The following ANK2 variants were observed in gnomAD, a reference collection of about 807,000 sequenced individuals.
The protein encoded by ANK2 is ankyrin 2, also known as ankyrin-2.
A neutral mutation model predicts 360.5 loss-of-function variants in ANK2; 83 were observed. That is an observed-to-expected ratio of 0.23 (90% CI 0.19 to 0.28). The LOEUF is 0.28. ANK2 is among the 10% of genes least tolerant of loss of function. The pLI is 1.00. For synonymous variants in ANK2, 1,740 were observed against 1,759.5 expected, an observed-to-expected ratio of 0.99 and a Z score of 0.28; for missense variants, 4,201 against 4,795.7, an observed-to-expected ratio of 0.88 and a Z score of 3.66.
chr4:113,318,784 C>G (rs961065054), intron 26 of ANK2, among the ~76,000 whole-genome samples, 164 bp downstream of exon 26: 3 of 152,106 alleles, frequency 2.0e-5, no homozygotes, highest in African/African-American at 7.2e-5. Context: ...GACTCTATAT[C>G]TACAACAACA....
At chr4:112,950,514 T>G (rs1211079151) in intron 2 of ANK2, among the ~76,000 whole-genome samples, 1 of 151,156 alleles carries the variant, frequency 6.6e-6, no homozygotes, top group Non-Finnish European at 1.5e-5. Context: ...CATGGTGGCA[T>G]GCACCTGTAG....
rs769272083 is a variant in ANK2 at position 113,356,070 on chromosome 4, A to G, written c.7452A>G (p.Pro2484=). 7 of 1,614,132 alleles carry G rather than the reference A, an allele frequency of 4.3e-6. No homozygotes were observed. The highest frequency in any genetic ancestry group is 5.9e-6 in the Non-Finnish European group (7 of 1,180,010). Residue 2484 remains proline (P), a synonymous_variant, in exon 38 of 46, where the codon CCA becomes CCG. Coordinates refer to ENST00000357077, the MANE Select transcript of ANK2 (RefSeq NM_001148.6). ...VEPKMKAGIF[P]SHFPLPAAVA... ...CAAAGATGAAGGCTGGAATTTTTCCAAGTCACTTTCCTCTTCCTGCAGCTG... is the reference window on the plus strand; with the variant it reads ...CAAAGATGAAGGCTGGAATTTTTCCGAGTCACTTTCCTCTTCCTGCAGCTG...
intron 2 of ANK2, among the ~76,000 whole-genome samples, chr4:112,947,632 T>C (rs1391845907): frequency 6.6e-6 from 1 of 152,212 alleles, no homozygotes; most frequent in Non-Finnish European, 1.5e-5. Flanking sequence ...GCAAAGACTG[T>C]TCCTTAGGCT....
chr4:112,870,506 A>T (rs2072573931), intron 1 of ANK2, among the ~76,000 whole-genome samples: 1 of 152,170 alleles, frequency 6.6e-6, no homozygotes, highest in South Asian at 2.1e-4. Flanking sequence ...GAGGGATCCA[A>T]ATTCACTTTT....
At chr4:112,793,871 A>AT in the ANK2 span, among the ~76,000 whole-genome samples, 1,133 of 151,498 alleles carry the variant, frequency 7.5e-3, 6 homozygotes, top group Non-Finnish European at 0.012. Flanking sequence ...ACACTTGGCT[A>AT]TTTTTTTTGG....
At chr4:112,960,921 G>A (rs1198294127) in intron 2 of ANK2, among the ~76,000 whole-genome samples, 1 of 152,008 alleles carries the variant, frequency 6.6e-6, no homozygotes, top group Non-Finnish European at 1.5e-5. Flanking sequence ...TTTTCATAAG[G>A]CTTGAATCAG....
intron 32 of ANK2, 147 bp downstream of exon 32, chr4:113,339,469 C>G (rs922844311): frequency 1.0e-5 from 7 of 695,892 alleles, no homozygotes; most frequent in Non-Finnish European, 1.8e-5. Context: ...ATATTTTAAA[C>G]TAGATCTGTC....
intron 22 of ANK2, among the ~76,000 whole-genome samples, chr4:113,296,332 A>G (rs1014818376): frequency 5.9e-5 from 9 of 152,224 alleles, no homozygotes; most frequent in African/African-American, 2.2e-4. Context: ...ATAGCACAAT[A>G]GACAACTTAA....
chr4:113,340,865 AAAAC>A lies in ANK2; in HGVS notation c.3894-815_3894-812del, dbSNP rs202045330. 9.4e-3 allele frequency among the ~76,000 whole-genome samples: 1,429 copies of A among 151,990 alleles called. 24 individuals are homozygous for A. Among genetic ancestry groups the A allele is most frequent in the African/African-American group, 0.032 (1,343 of 41,390 alleles). On this transcript the variant is annotated intron_variant, in intron 32 of 45. Coordinates refer to ENST00000357077, the MANE Select transcript of ANK2 (RefSeq NM_001148.6). ...CAACGTCTCAAAAAAAAAAAAAAGAAAAACAAACAAAAAAAACAAACCCTTTGGA... is the reference window on the plus strand; with the variant it reads ...CAACGTCTCAAAAAAAAAAAAAAGAAAAACAAAAAAAACAAACCCTTTGGA...
the ANK2 span, chr4:112,798,381 G>A: frequency 4.9e-3 from 752 of 152,052 alleles, 13 homozygotes; most frequent in Non-Finnish European, 7.1e-3. Flanking sequence ...TCCGCCTCCC[G>A]GGTTCAAGCG....
intron 1 of ANK2, among the ~76,000 whole-genome samples, chr4:113,105,787 A>G (rs2154362436): frequency 6.6e-6 from 1 of 152,296 alleles, no homozygotes; most frequent in South Asian, 2.1e-4. Flanking sequence ...ACCTGATCAT[A>G]TTGTATTACT....
the ANK2 span, among the ~76,000 whole-genome samples, chr4:112,731,742 A>G: frequency 6.6e-6 from 1 of 152,180 alleles, no homozygotes; most frequent in African/African-American, 2.4e-5. Context: ...CAAAAAAAAA[A>G]AAAAGTACAT....
At chr4:113,183,891 A>C (rs1040578008) in intron 2 of ANK2, among the ~76,000 whole-genome samples, 1 of 150,944 alleles carries the variant, frequency 6.6e-6, no homozygotes, top group Non-Finnish European at 1.5e-5. Context: ...AAGGAATGGC[A>C]TCAAGAGGAT....
At chr4:112,804,669 A>G in the ANK2 span, among the ~76,000 whole-genome samples, 1 of 152,120 alleles carries the variant, frequency 6.6e-6, no homozygotes, top group Non-Finnish European at 1.5e-5. Flanking sequence ...ACCCATATAG[A>G]GGACATGGAT....
the ANK2 span, among the ~76,000 whole-genome samples, chr4:112,730,704 C>A: frequency 6.7e-6 from 1 of 148,852 alleles, no homozygotes; most frequent in African/African-American, 2.5e-5. Flanking sequence ...AGTGTTCTTA[C>A]CACACACACA....
the ANK2 span, among the ~76,000 whole-genome samples, chr4:112,717,236 T>A: frequency 0.99 from 150,831 of 152,296 alleles, 74,705 homozygotes; most frequent in East Asian, 1. Flanking sequence ...ATGTAGAAGC[T>A]GCCTGTCATT....
the ANK2 span, among the ~76,000 whole-genome samples, chr4:112,777,316 G>A: frequency 6.6e-6 from 1 of 152,000 alleles, no homozygotes; most frequent in African/African-American, 2.4e-5. Context: ...TCAGCTCACT[G>A]CAAGCTCCGC....
intron 1 of ANK2, among the ~76,000 whole-genome samples, chr4:112,844,223 A>G (rs188772637): frequency 1.3e-5 from 2 of 152,326 alleles, no homozygotes; most frequent in Non-Finnish European, 2.9e-5. Context: ...AGCTCCCGAC[A>G]ATGGTGTGAA....
the ANK2 span, chr4:112,788,396 G>C: frequency 6.3e-7 from 1 of 1,587,792 alleles, no homozygotes; most frequent in Non-Finnish European, 8.6e-7. Flanking sequence ...CAGCTCGATG[G>C]GATCCACGTC....
Sources: allele counts gnomAD v4.1 joint callset (sites outside exome capture counted in the v4.1 genomes callset), GRCh38; gene constraint gnomAD v4.1.1; transcripts MANE v1.5; gene names NCBI Gene and HGNC (gene_info 2026-07-23, HGNC 2026-07-21).